Variants in HIVEP1 observed in about 807,000 individuals in gnomAD.
HIVEP1 encodes the protein zinc finger protein 40.
Under a neutral mutation model 180.0 loss-of-function variants are expected in HIVEP1, and 36 were observed. That is an observed-to-expected ratio of 0.20 (90% confidence interval 0.15 to 0.26). HIVEP1 has a LOEUF of 0.26. HIVEP1 is among the 10% of genes least tolerant of loss of function. HIVEP1 has a pLI of 1.00. For missense variants in HIVEP1, 3,143 were observed against 3,268.7 expected (o/e 0.96, Z 0.94); for synonymous variants, 1,239 against 1,239.0 (o/e 1.00, Z 0.00).
At chr6:12,130,328 AAAG>A (rs758633256) in intron 5 of HIVEP1, among the ~76,000 whole-genome samples, 2 of 152,258 alleles carry the variant, frequency 1.3e-5, no homozygotes, top group South Asian at 2.1e-4. Flanking sequence ...TGAATTTAGC[AAAG>A]AAGAACAAAT....
intron 2 of HIVEP1, among the ~76,000 whole-genome samples, chr6:12,071,256 A>C (rs1771950153): frequency 6.6e-6 from 1 of 152,198 alleles, no homozygotes; most frequent in Admixed American, 6.5e-5. Context: ...TGTGCAAGCC[A>C]CTGGATGTGC....
chr6:12,164,075 G>A lies in HIVEP1; in HGVS notation c.7771G>A (p.Ala2591Thr), dbSNP rs181056704. ...TQPKQTSVAS[A>T]NQVSRTESPQ... Reference sequence around the variant, plus strand: ...ACCCAAGCAGACTTCTGTAGCCAGCGCAAACCAGGTCAGCAGGACCGAGTC... The same window carrying A: ...ACCCAAGCAGACTTCTGTAGCCAGCACAAACCAGGTCAGCAGGACCGAGTC... The change falls in exon 9 of 9, where the codon GCA becomes ACA. Residue 2591 changes from alanine to threonine, a missense_variant. Physicochemically the swap from Ala to Thr is moderately conservative, Grantham distance 58 (BLOSUM62 0). Around this residue, in one of 12 missense-constraint regions of HIVEP1, gnomAD observed 595 missense variants for 602.2 expected, o/e 0.99. Transcript: ENST00000379388. 2.2e-3 allele frequency: 3,625 copies of A among 1,614,098 alleles called. 11 individuals carry two copies. The highest frequency in any genetic ancestry group is 2.7e-3 in the Non-Finnish European group (3,239 of 1,180,024).
rs571492100 is a variant in HIVEP1, at chr6:12,114,172, C to A, written c.95-5718C>A. Among the ~76,000 whole-genome samples the A allele has an allele frequency of 9.2e-5, 14 of 152,250 alleles. No homozygotes were observed. In the South Asian group the frequency reaches 1.9e-3, roughly 20 times the overall value. ...AGCGCCTGTATTTGCGGGCCCTGCG[C>A]GTCCTCATGCCCTCCTTCACTCCTT... On this transcript the variant is annotated intron_variant, in intron 3 of 8. Coordinates refer to ENST00000379388, the MANE Select transcript of HIVEP1 (RefSeq NM_002114.4).
downstream of HIVEP1, among the ~76,000 whole-genome samples, chr6:12,168,389 T>TATATTATAA (rs1760817054): frequency 7.2e-6 from 1 of 139,186 alleles, no homozygotes; most frequent in Non-Finnish European, 1.5e-5. Flanking sequence ...TATATGTATA[T>TATATTATAA]ATATAATATT....
chr6:12,155,108 G>A (rs1759952130), intron 7 of HIVEP1, among the ~76,000 whole-genome samples: 1 of 151,964 alleles, frequency 6.6e-6, no homozygotes, highest in Admixed American at 6.6e-5. Context: ...TGAAAGTTTT[G>A]AATACGATAA....
At chr6:12,059,452 T>A (rs1771090405) in intron 2 of HIVEP1, among the ~76,000 whole-genome samples, 1 of 152,232 alleles carries the variant, frequency 6.6e-6, no homozygotes, top group South Asian at 2.1e-4. Flanking sequence ...TAATTTGTAA[T>A]GTGATTGTGT....
At chr6:12,042,375 C>T (rs527912718) in intron 2 of HIVEP1, among the ~76,000 whole-genome samples, 15 of 125,394 alleles carry the variant, frequency 1.2e-4, no homozygotes, top group African/African-American at 4.0e-4. Flanking sequence ...GCCACCGCAC[C>T]CGGCCGCTTT....
intron 2 of HIVEP1, among the ~76,000 whole-genome samples, chr6:12,041,815 A>G (rs900191081): frequency 6.7e-6 from 1 of 149,940 alleles, no homozygotes; most frequent in Non-Finnish European, 1.5e-5. Flanking sequence ...CCATGCCACC[A>G]TGCCTGGCTA....
At chr6:12,142,218 G>A (rs1759082607) in intron 7 of HIVEP1, among the ~76,000 whole-genome samples, 1 of 152,142 alleles carries the variant, frequency 6.6e-6, no homozygotes, top group Non-Finnish European at 1.5e-5. Context: ...TTAGAACTCA[G>A]GATTAAGAAA....
chr6:12,117,001 TG>T (rs1434166338), intron 3 of HIVEP1, among the ~76,000 whole-genome samples: 4 of 152,128 alleles, frequency 2.6e-5, no homozygotes, highest in African/African-American at 9.7e-5. Flanking sequence ...CCAAAACTAA[TG>T]AATAAATATG....
At chr6:12,104,174 G>A (rs1176472784) in intron 3 of HIVEP1, among the ~76,000 whole-genome samples, 3 of 152,032 alleles carry the variant, frequency 2.0e-5, no homozygotes, top group Non-Finnish European at 4.4e-5. Flanking sequence ...CTTGCTTGTG[G>A]TTTAGAGTGC....
the HIVEP1 span, among the ~76,000 whole-genome samples, chr6:12,185,505 G>T: frequency 6.6e-6 from 1 of 152,168 alleles, no homozygotes; most frequent in African/African-American, 2.4e-5. Context: ...GGGCACTGGC[G>T]TTCTGACCTG....
intron 3 of HIVEP1, among the ~76,000 whole-genome samples, chr6:12,099,572 A>G (rs1363178508): frequency 6.6e-6 from 1 of 152,038 alleles, no homozygotes; most frequent in African/African-American, 2.4e-5. Flanking sequence ...TATGTGAAGA[A>G]AAAACGTGGT....
At chr6:12,017,227 G>T (rs1012235246) in intron 2 of HIVEP1, among the ~76,000 whole-genome samples, 1 of 152,146 alleles carries the variant, frequency 6.6e-6, no homozygotes, top group Non-Finnish European at 1.5e-5. Flanking sequence ...TTGTTACTGT[G>T]TCTGGAATTG....
intron 3 of HIVEP1, among the ~76,000 whole-genome samples, chr6:12,110,835 A>G (rs1368702347): frequency 6.6e-6 from 1 of 152,218 alleles, no homozygotes; most frequent in East Asian, 1.9e-4. Flanking sequence ...AGCCTATCTC[A>G]GCTTTCAACA....
intron 2 of HIVEP1, among the ~76,000 whole-genome samples, chr6:12,026,446 T>C (rs939716490): frequency 1.3e-5 from 2 of 152,162 alleles, no homozygotes; most frequent in Non-Finnish European, 2.9e-5. Flanking sequence ...GGTAGAAGAA[T>C]GAATGGGGGA....
intron 2 of HIVEP1, among the ~76,000 whole-genome samples, chr6:12,077,169 AC>A (rs977398231): frequency 3.3e-5 from 5 of 152,174 alleles, no homozygotes; most frequent in Non-Finnish European, 7.4e-5. Context: ...GGATTATGTA[AC>A]AAAAATTCAG....
chr6:12,011,711 G>A (rs1357183849), upstream of HIVEP1, among the ~76,000 whole-genome samples: 10 of 149,030 alleles, frequency 6.7e-5, no homozygotes. Flanking sequence ...CCGCCGGGGA[G>A]ACCCGGGGCA....
chr6:12,042,620 G>A (rs1374444700), intron 2 of HIVEP1, among the ~76,000 whole-genome samples: 1 of 151,558 alleles, frequency 6.6e-6, no homozygotes, highest in Non-Finnish European at 1.5e-5. Flanking sequence ...AAACTTTTTT[G>A]TAGTTGAATC....
Sources: allele counts gnomAD v4.1 joint callset (sites outside exome capture counted in the v4.1 genomes callset), GRCh38; gene constraint gnomAD v4.1.1; regional missense constraint gnomAD v4.1.1; transcripts MANE v1.5; gene names NCBI Gene and HGNC (gene_info 2026-07-23, HGNC 2026-07-21).